SRPK2: variants seen among roughly 807,000 people sequenced by gnomAD.
SRPK2 encodes SFRS protein kinase 2.
Under a neutral mutation model 90.8 loss-of-function variants are expected in SRPK2, and 21 were observed. That is an observed-to-expected ratio of 0.23 (90% CI 0.16 to 0.33). The LOEUF (loss-of-function observed/expected upper bound fraction) is 0.33. Ranked by LOEUF, SRPK2 falls within the 10% of genes least tolerant of loss-of-function variation. SRPK2 has a pLI of 1.00. For synonymous variants in SRPK2, 288 were observed against 311.1 expected (o/e 0.93, Z 0.78); for missense variants, 620 against 869.0 (o/e 0.71, Z 3.60).
Position 105,331,337 on chromosome 7 carries a change from A to AAAAAAAAAAC in SRPK2, c.71+57310_71+57311insGTTTTTTTTT, listed in dbSNP as rs1554512429. On this transcript the variant is annotated intron_variant, in intron 2 of 15. Coordinates refer to ENST00000393651, the MANE Select transcript of SRPK2 (RefSeq NM_182692.3). The stretch of plus-strand genomic sequence containing the variant: ...AAAAAAAAAAAAAAAAAAAAAAAAA[A>AAAAAAAAAAC]CAAATAGTTATTACACAATTAATCT... 1.3e-4 allele frequency among the ~76,000 whole-genome samples: 18 copies of AAAAAAAAAAC among 141,934 alleles called. 1 individual carries two copies. Among genetic ancestry groups the AAAAAAAAAAC allele is most frequent in the Middle Eastern group, 3.5e-3 (1 of 282 alleles). The allele number at this position is 141,934 out of a possible 152,430, so 93.1% of individuals were successfully genotyped here.
At chr7:105,277,554 C>T (rs139593892) in intron 2 of SRPK2, among the ~76,000 whole-genome samples, 205 of 152,256 alleles carry the variant, frequency 1.3e-3, no homozygotes, top group Middle Eastern at 0.01. Flanking sequence ...AATTCCTCTG[C>T]GTAATCTAGG....
chr7:105,182,629 T>A (rs543721534), intron 3 of SRPK2, among the ~76,000 whole-genome samples: 2 of 152,212 alleles, frequency 1.3e-5, no homozygotes, highest in Admixed American at 1.3e-4. Flanking sequence ...TTTTTGTGTT[T>A]TTTATTTATT....
chr7:105,283,731 T>C (rs1015046042), intron 2 of SRPK2, among the ~76,000 whole-genome samples: 1 of 152,148 alleles, frequency 6.6e-6, no homozygotes, highest in Admixed American at 6.5e-5. Flanking sequence ...AGCTATTAAA[T>C]TGTACACTTT....
chr7:105,314,787 A>G (rs144995607), intron 2 of SRPK2, among the ~76,000 whole-genome samples: 45 of 152,380 alleles, frequency 3.0e-4, no homozygotes, highest in African/African-American at 1.1e-3. Context: ...TACATATAAC[A>G]AAAGAAAAAC....
chr7:105,301,742 A>G, intron 2 of SRPK2: 1 of 1,604,730 alleles, frequency 6.2e-7, no homozygotes, highest in Non-Finnish European at 8.5e-7. Context: ...CCGTATCATC[A>G]GCTGTAAAGC....
At chr7:105,275,599 AAC>A (rs933168758) in intron 2 of SRPK2, among the ~76,000 whole-genome samples, 6 of 152,198 alleles carry the variant, frequency 3.9e-5, no homozygotes, top group Non-Finnish European at 7.3e-5. Flanking sequence ...TCTACGTTGT[AAC>A]ACACTGTAAG....
chr7:105,246,757 T>C (rs541046743), intron 2 of SRPK2, among the ~76,000 whole-genome samples: 1 of 152,196 alleles, frequency 6.6e-6, no homozygotes, highest in Non-Finnish European at 1.5e-5. Context: ...TACTGAAGTA[T>C]TGGAGTACTG....
At chr7:105,350,777 G>C (rs537729586) in intron 2 of SRPK2, among the ~76,000 whole-genome samples, 4 of 152,026 alleles carry the variant, frequency 2.6e-5, no homozygotes, top group Non-Finnish European at 5.9e-5. Flanking sequence ...CTCCCAAAGT[G>C]CTATAGTTGC....
intron 2 of SRPK2, among the ~76,000 whole-genome samples, chr7:105,361,840 A>T (rs574567857): frequency 1.1e-3 from 174 of 152,294 alleles, no homozygotes; most frequent in Middle Eastern, 3.4e-3. Flanking sequence ...TGGATTTAAG[A>T]CTTAAATGTT....
At chr7:105,237,843 G>A (rs556602410) in intron 2 of SRPK2, among the ~76,000 whole-genome samples, 1 of 152,228 alleles carries the variant, frequency 6.6e-6, no homozygotes, top group South Asian at 2.1e-4. Context: ...TTGGTTATAG[G>A]TGCATTATAA....
chr7:105,244,561 G>C (rs529195840), intron 2 of SRPK2: 1 of 579,366 alleles, frequency 1.7e-6, no homozygotes, highest in African/African-American at 1.9e-5. Context: ...GCGACAGAAC[G>C]AGACTCCGTC....
At chr7:105,274,737 A>C (rs1806265163) in intron 2 of SRPK2, among the ~76,000 whole-genome samples, 1 of 151,614 alleles carries the variant, frequency 6.6e-6, no homozygotes, top group African/African-American at 2.4e-5. Flanking sequence ...GCCCCTCCCT[A>C]GTTCCTATTT....
intron 2 of SRPK2, among the ~76,000 whole-genome samples, chr7:105,207,372 T>C (rs1253199658): frequency 6.6e-6 from 1 of 152,114 alleles, no homozygotes; most frequent in Non-Finnish European, 1.5e-5. Flanking sequence ...ATTACAACAC[T>C]GTAGAAGACC....
At chr7:105,278,705 AAGGAAAG>A (rs1384561638) in intron 2 of SRPK2, among the ~76,000 whole-genome samples, 29 of 151,368 alleles carry the variant, frequency 1.9e-4, no homozygotes, top group African/African-American at 7.0e-4. Context: ...AAAAAGAAGA[AAGGAAAG>A]AGGAAAGGGG....
intron 2 of SRPK2, among the ~76,000 whole-genome samples, chr7:105,342,827 G>A (rs1815987023): frequency 6.6e-6 from 1 of 152,204 alleles, no homozygotes; most frequent in African/African-American, 2.4e-5. Context: ...TAAACAAGAA[G>A]AGGAAAGGAG....
At chr7:105,361,091 G>A (rs1261947363) in intron 2 of SRPK2, among the ~76,000 whole-genome samples, 1 of 152,130 alleles carries the variant, frequency 6.6e-6, no homozygotes, top group Non-Finnish European at 1.5e-5. Flanking sequence ...CATCATCTCA[G>A]CCCAAAATCT....
At chr7:105,132,054 G>A (rs1466487528) in intron 13 of SRPK2, among the ~76,000 whole-genome samples, 1 of 152,150 alleles carries the variant, frequency 6.6e-6, no homozygotes, top group African/African-American at 2.4e-5. Context: ...CAGGGCCAGG[G>A]GAGTTTACAG....
Position 105,217,358 on chromosome 7 carries a change from C to T in SRPK2, c.72-13573G>A, listed in dbSNP as rs180919981. 3.1e-3 allele frequency among the ~76,000 whole-genome samples: 468 copies of T among 152,272 alleles called. 2 individuals are homozygous for T. Among genetic ancestry groups the T allele is most frequent in the South Asian group, 0.018 (88 of 4,828 alleles). ...ATAAAAAGTGACTTACCTAATTAAGCGGAATAGAAATTCAAAACATACAGT... is the reference window on the plus strand; with the variant it reads ...ATAAAAAGTGACTTACCTAATTAAGTGGAATAGAAATTCAAAACATACAGT... On this transcript the variant is annotated intron_variant, in intron 2 of 15. Coordinates refer to ENST00000393651, the MANE Select transcript of SRPK2 (RefSeq NM_182692.3).
At chr7:105,362,188 AAAG>A (rs1296812390) in intron 2 of SRPK2, among the ~76,000 whole-genome samples, 2 of 152,244 alleles carry the variant, frequency 1.3e-5, no homozygotes, top group Admixed American at 6.5e-5. Flanking sequence ...ACACTTCTCA[AAAG>A]AAGACATTTA....
Sources: gnomAD v4.1 joint callset for allele counts (sites outside exome capture counted in the v4.1 genomes callset) on GRCh38, gnomAD v4.1.1 for gene constraint, MANE v1.5 for transcripts, NCBI Gene and HGNC (gene_info 2026-07-23, HGNC 2026-07-21) for gene names.